Variants in PAM observed in about 807,000 individuals in gnomAD.
PAM encodes peptidyl-glycine alpha-amidating monooxygenase.
Under a neutral mutation model 122.1 loss-of-function variants are expected in PAM, and 72 were observed. That is an observed-to-expected ratio of 0.59 (90% CI 0.49 to 0.72). The LOEUF (loss-of-function observed/expected upper bound fraction) is 0.72. PAM is among the 30% of genes least tolerant of loss of function. The pLI, the probability that PAM is intolerant of heterozygous loss-of-function variation, is 0.00. For synonymous variants in PAM, 389 were observed against 404.4 expected (o/e 0.96, Z 0.46); for missense variants, 1,106 against 1,183.7 (o/e 0.93, Z 0.96).
intron 7 of PAM, among the ~76,000 whole-genome samples, chr5:102,942,421 C>G (rs1298388231): frequency 6.6e-6 from 1 of 151,956 alleles, no homozygotes. Context: ...ATTGCAAAGT[C>G]ATTTGCATTT....
chr5:102,864,828 T>C (rs1581098098), intron 1 of PAM, among the ~76,000 whole-genome samples: 1 of 152,242 alleles, frequency 6.6e-6, no homozygotes, highest in African/African-American at 2.4e-5. Flanking sequence ...TTGTGAATTA[T>C]ACAGTTTTAA....
At chr5:102,887,694 T>C (rs1793575417) in intron 3 of PAM, among the ~76,000 whole-genome samples, 1 of 152,174 alleles carries the variant, frequency 6.6e-6, no homozygotes, top group Admixed American at 6.6e-5. Context: ...TTAATTTTTT[T>C]CCTTCAAAAT....
chr5:102,785,747 T>C (rs540791179), intron 1 of PAM, among the ~76,000 whole-genome samples: 2 of 152,244 alleles, frequency 1.3e-5, no homozygotes, highest in East Asian at 3.9e-4. Flanking sequence ...ATATAAGGTG[T>C]CTTCAAGCAT....
chr5:102,866,179 G>T lies in PAM; in HGVS notation c.-17G>T. ...CGCTGCCCGGTCCTCTCCCGGCGGG[G>T]TCGTATCGGCGTGGACATGGCTGGC... On this transcript the variant is annotated 5_prime_UTR_variant, in exon 2 of 26. Coordinates refer to ENST00000438793, the MANE Select transcript of PAM (RefSeq NM_001177306.2). 1.3e-6 allele frequency: 2 copies of T among 1,589,444 alleles called. No individual in the cohort carries two copies. The highest frequency in any genetic ancestry group is 1.1e-5 in the South Asian group (1 of 90,624).
At chr5:102,814,287 G>C (rs1394210773) in intron 1 of PAM, among the ~76,000 whole-genome samples, 1 of 152,102 alleles carries the variant, frequency 6.6e-6, no homozygotes, top group African/African-American at 2.4e-5. Flanking sequence ...AATGACAGAG[G>C]AATATGATTT....
In PAM at chr5:102,800,327, G is replaced by A. The variant is rs115772652; in HGVS notation, c.-374+44979G>A. Among the ~76,000 whole-genome samples the A allele has an allele frequency of 6.9e-3, 1,055 of 152,230 alleles. 9 individuals carry two copies. Among genetic ancestry groups the A allele is most frequent in the Non-Finnish European group, 0.013 (880 of 68,012 alleles). ...CCCCATCCAGTCAGTCTCTTATCCAGTCACTCTGTGGTATGGTTCTTCAGA... is the reference window on the plus strand; with the variant it reads ...CCCCATCCAGTCAGTCTCTTATCCAATCACTCTGTGGTATGGTTCTTCAGA... On this transcript the variant is annotated intron_variant, in intron 1 of 25. Transcript: ENST00000438793.
intron 15 of PAM, among the ~76,000 whole-genome samples, chr5:102,975,925 G>A (rs1359761854): frequency 1.3e-5 from 2 of 152,074 alleles, no homozygotes; most frequent in Non-Finnish European, 2.9e-5. Flanking sequence ...GTCCCAGTCA[G>A]AATTTGACTT....
At chr5:102,822,378 C>T (rs2150333702) in intron 1 of PAM, among the ~76,000 whole-genome samples, 1 of 152,216 alleles carries the variant, frequency 6.6e-6, no homozygotes, top group East Asian at 1.9e-4. Flanking sequence ...GAATGCCATC[C>T]CACCGACGAG....
intron 1 of PAM, among the ~76,000 whole-genome samples, chr5:102,818,630 C>A (rs1026058493): frequency 2.0e-5 from 3 of 152,064 alleles, no homozygotes; most frequent in Non-Finnish European, 2.9e-5. Context: ...CTCATTTGTT[C>A]CAGAGAAAGC....
intron 3 of PAM, among the ~76,000 whole-genome samples, chr5:102,878,806 G>A (rs1363339353): frequency 6.6e-6 from 1 of 151,856 alleles, no homozygotes; most frequent in Non-Finnish European, 1.5e-5. Context: ...ACTATGTAAT[G>A]TTTGTTTTTA....
chr5:103,014,978 T>A (rs946260240), intron 21 of PAM, among the ~76,000 whole-genome samples: 2 of 152,090 alleles, frequency 1.3e-5, no homozygotes, highest in African/African-American at 4.8e-5. Flanking sequence ...ATGATCCCCA[T>A]CCTTCCATAC....
intron 14 of PAM, among the ~76,000 whole-genome samples, chr5:102,967,236 A>T (rs1764356390): frequency 6.6e-6 from 1 of 152,182 alleles, no homozygotes; most frequent in South Asian, 2.1e-4. Flanking sequence ...GTGTTATTAG[A>T]TTCCCATGTA....
chr5:103,015,765 TAA>T (rs776692960), intron 21 of PAM, among the ~76,000 whole-genome samples: 8 of 152,164 alleles, frequency 5.3e-5, no homozygotes, highest in Non-Finnish European at 8.8e-5. Flanking sequence ...GGTTCTGCTA[TAA>T]ATACAGATTA....
At chr5:102,801,624 G>A (rs975551399) in intron 1 of PAM, among the ~76,000 whole-genome samples, 1 of 152,054 alleles carries the variant, frequency 6.6e-6, no homozygotes, top group Non-Finnish European at 1.5e-5. Context: ...AGATCTTGTC[G>A]GCTCTGCTGG....
chr5:102,823,999 G>T (rs1015076499), intron 1 of PAM, among the ~76,000 whole-genome samples: 2 of 152,058 alleles, frequency 1.3e-5, no homozygotes, highest in African/African-American at 4.8e-5. Flanking sequence ...CATTAATTCA[G>T]CTTATTTATT....
intron 1 of PAM, among the ~76,000 whole-genome samples, chr5:102,774,383 G>A (rs1274640861): frequency 6.6e-6 from 1 of 152,020 alleles, no homozygotes; most frequent in Non-Finnish European, 1.5e-5. Flanking sequence ...GCAGTATAGT[G>A]TGGGGATTAA....
At chr5:102,948,508 T>C in intron 9 of PAM, 63 bp downstream of exon 9, 1 of 778,290 alleles carries the variant, frequency 1.3e-6, no homozygotes, top group Non-Finnish European at 2.2e-6. Context: ...AATGGATTTA[T>C]ACTGTATTTT....
intron 15 of PAM, among the ~76,000 whole-genome samples, chr5:102,984,699 A>G (rs1321589032): frequency 1.3e-5 from 2 of 152,174 alleles, no homozygotes; most frequent in African/African-American, 4.8e-5. Context: ...GAAAATAAAC[A>G]TTGGATTGAA....
At chr5:102,928,495 G>A (rs1750375130) in intron 7 of PAM, among the ~76,000 whole-genome samples, 1 of 151,714 alleles carries the variant, frequency 6.6e-6, no homozygotes, top group African/African-American at 2.4e-5. Context: ...AGATATATGG[G>A]GTAGAAAGAT....
Sources: gnomAD v4.1 joint callset for allele counts (sites outside exome capture counted in the v4.1 genomes callset) on GRCh38, gnomAD v4.1.1 for gene constraint, MANE v1.5 for transcripts, NCBI Gene and HGNC (gene_info 2026-07-23, HGNC 2026-07-21) for gene names.